SAMD8: variants seen among roughly 807,000 people sequenced by gnomAD.
SAMD8 encodes sterile alpha motif domain containing 8.
In SAMD8, 20 loss-of-function variants were observed where a neutral mutation model predicts 42.0. The observed-to-expected ratio is 0.48, with a 90% confidence interval of 0.34 to 0.69. The LOEUF is 0.69. Among genes scored for constraint, SAMD8 ranks in the 30% least tolerant of loss-of-function variants. The pLI, the probability that SAMD8 is intolerant of heterozygous loss-of-function variation, is 0.01. For missense variants in SAMD8, 328 were observed against 511.6 expected (o/e 0.64, Z 3.46); for synonymous variants, 162 against 173.0 (o/e 0.94, Z 0.50).
intron 1 of SAMD8, among the ~76,000 whole-genome samples, chr10:75,131,130 A>C (rs1054346473): frequency 5.3e-5 from 8 of 152,216 alleles, no homozygotes; most frequent in African/African-American, 1.9e-4. Flanking sequence ...ATCACCCTGC[A>C]GGGTCTAACC....
rs1384099111 is a variant in SAMD8, at chr10:75,177,849, T to C, written c.*1157T>C. On this transcript the variant is annotated 3_prime_UTR_variant, in exon 6 of 6. Transcript: ENST00000542569. ...GCTGCTATTTACAACACTAGAAATT[T>C]AGTACTTTAAGTAATTTCACATCTA... is the stretch of plus-strand genomic sequence containing the variant. 6.6e-6 allele frequency: 1 copy of C among 152,228 alleles called. No individual in the cohort carries two copies. The highest frequency in any genetic ancestry group is 1.5e-5 in the Non-Finnish European group (1 of 68,026). 9.4% of individuals were successfully genotyped at this position (152,228 alleles called of 1,614,324 possible). A position where few individuals can be genotyped will look rare whatever the true frequency, so the allele number is the denominator to read the frequency against.
chr10:75,113,409 G>C (rs1237392753), intron 1 of SAMD8, among the ~76,000 whole-genome samples: 1 of 149,844 alleles, frequency 6.7e-6, no homozygotes, highest in East Asian at 1.9e-4. Context: ...TTTTGAGACA[G>C]AGATTCGCTG....
intron 1 of SAMD8, among the ~76,000 whole-genome samples, chr10:75,140,539 C>G (rs563713108): frequency 6.6e-6 from 1 of 152,216 alleles, no homozygotes; most frequent in Non-Finnish European, 1.5e-5. Flanking sequence ...TGGACCTGAT[C>G]TAATCAGACA....
intron 2 of SAMD8, among the ~76,000 whole-genome samples, chr10:75,157,608 AT>A (rs1840442866): frequency 6.6e-6 from 1 of 152,162 alleles, no homozygotes; most frequent in Non-Finnish European, 1.5e-5. Flanking sequence ...GAAGGATGAG[AT>A]GTATAAAATA....
intron 1 of SAMD8, 194 bp from the exon 2 acceptor site, chr10:75,150,320 T>A: frequency 3.7e-6 from 1 of 273,424 alleles, no homozygotes; most frequent in Non-Finnish European, 5.5e-6. Context: ...AGGATCTTGC[T>A]ACGTGGCCCA....
At chr10:75,163,768 C>T (rs749992435) in intron 2 of SAMD8, among the ~76,000 whole-genome samples, 12 of 151,964 alleles carry the variant, frequency 7.9e-5, no homozygotes, top group Non-Finnish European at 1.3e-4. Flanking sequence ...TTTTTCTCTC[C>T]CTCTCTCTCC....
At chr10:75,118,178 A>G (rs1848928040) in intron 1 of SAMD8, among the ~76,000 whole-genome samples, 1 of 152,240 alleles carries the variant, frequency 6.6e-6, no homozygotes, top group African/African-American at 2.4e-5. Context: ...TAATTCTTTT[A>G]AAGATGCTGC....
intron 1 of SAMD8, chr10:75,105,627 C>T: frequency 1.3e-6 from 2 of 1,538,550 alleles, no homozygotes; most frequent in Non-Finnish European, 1.8e-6. Flanking sequence ...CTCTTCCGGC[C>T]AACCACATCC....
intron 1 of SAMD8, among the ~76,000 whole-genome samples, chr10:75,140,019 G>A (rs1383683032): frequency 6.6e-6 from 1 of 152,172 alleles, no homozygotes; most frequent in African/African-American, 2.4e-5. Context: ...GTATCCATTT[G>A]TTCCAGCATC....
chr10:75,138,142 A>C (rs1435712344), intron 1 of SAMD8, among the ~76,000 whole-genome samples: 1 of 152,136 alleles, frequency 6.6e-6, no homozygotes, highest in Non-Finnish European at 1.5e-5. Context: ...CCTGATTCAC[A>C]TTTGAATCCT....
At chr10:75,122,031 T>A (rs1849016115) in intron 1 of SAMD8, among the ~76,000 whole-genome samples, 1 of 152,204 alleles carries the variant, frequency 6.6e-6, no homozygotes, top group African/African-American at 2.4e-5. Flanking sequence ...TAAATGAGAT[T>A]TGCTTCAAAC....
rs539889580 is a variant in SAMD8, at chr10:75,178,494, C to G, written c.*1802C>G. 1 of 151,934 alleles carries G rather than the reference C, an allele frequency of 6.6e-6. No homozygotes were observed. The highest frequency in any genetic ancestry group is 1.5e-5 in the Non-Finnish European group (1 of 67,982). 9.4% of individuals were successfully genotyped at this position (151,934 alleles called of 1,614,324 possible). ...ACTGTTATTTTTCTACGTGACAGAA[C>G]AGACTGAATTTAGCTAGGGAGGCAG... On this transcript the variant is annotated 3_prime_UTR_variant, in exon 6 of 6. Coordinates refer to ENST00000542569, the MANE Select transcript of SAMD8 (RefSeq NM_001174156.2).
rs201834927 is a variant in SAMD8, at chr10:75,150,920, A to G, written c.392A>G (p.Tyr131Cys). The change falls in exon 2 of 6, where the codon TAC (tyrosine) becomes TGC (cysteine). Residue 131 changes from tyrosine to cysteine, a missense_variant. Transcript: ENST00000542569. The stretch of plus-strand genomic sequence containing the variant: ...ATAACTGACTTGAATTCTGATCAGT[A>G]CCAGTACATGAATGGTAAAAACAAA... Reference protein sequence around the residue: ...GPITDLNSDQYQYMNGKNKHS... With the variant: ...GPITDLNSDQCQYMNGKNKHS... 3.1e-6 allele frequency: 5 copies of G among 1,612,948 alleles called. No individual in the cohort carries two copies. The highest frequency in any genetic ancestry group is 3.3e-5 in the Admixed American group (2 of 59,808).
At chr10:75,118,887 T>C (rs1161670955) in intron 1 of SAMD8, among the ~76,000 whole-genome samples, 3 of 152,222 alleles carry the variant, frequency 2.0e-5, no homozygotes, top group Non-Finnish European at 4.4e-5. Context: ...ATTGTTTTTA[T>C]GTTCTGGTTT....
At chr10:75,163,001 C>T (rs1170476878) in intron 2 of SAMD8, among the ~76,000 whole-genome samples, 2 of 152,124 alleles carry the variant, frequency 1.3e-5, no homozygotes, top group East Asian at 3.9e-4. Context: ...TCTCGGCTCA[C>T]TGCAACCTCC....
intron 2 of SAMD8, among the ~76,000 whole-genome samples, chr10:75,160,485 C>T (rs539328651): frequency 2.6e-5 from 4 of 152,072 alleles, no homozygotes; most frequent in Admixed American, 1.3e-4. Flanking sequence ...GGATTACAGG[C>T]GTGAGCCACC....
intron 1 of SAMD8, among the ~76,000 whole-genome samples, chr10:75,103,231 A>C (rs1848287461): frequency 6.6e-6 from 1 of 152,246 alleles, no homozygotes; most frequent in South Asian, 2.1e-4. Flanking sequence ...AACTGGTGGC[A>C]TTGCCAACAG....
chr10:75,158,912 T>G (rs1840484496), intron 2 of SAMD8, among the ~76,000 whole-genome samples: 1 of 152,204 alleles, frequency 6.6e-6, no homozygotes, highest in Non-Finnish European at 1.5e-5. Flanking sequence ...TATTACCAAA[T>G]AATATTCCAT....
intron 1 of SAMD8, among the ~76,000 whole-genome samples, chr10:75,106,422 G>T (rs543589646): frequency 1.3e-5 from 2 of 152,016 alleles, no homozygotes; most frequent in African/African-American, 4.8e-5. Flanking sequence ...CCCTGGTCTC[G>T]GTCTGACTAA....
Sources: gnomAD v4.1 joint callset for allele counts (sites outside exome capture counted in the v4.1 genomes callset) on GRCh38, gnomAD v4.1.1 for gene constraint, MANE v1.5 for transcripts, NCBI Gene and HGNC (gene_info 2026-07-23, HGNC 2026-07-21) for gene names.